CPED1: variants seen among roughly 807,000 people sequenced by gnomAD.
CPED1 encodes cadherin-like and PC-esterase domain-containing protein 1.
In CPED1, 114 loss-of-function variants were observed where a neutral mutation model predicts 128.2. The ratio of observed to expected loss-of-function variants is 0.89; its 90% confidence interval spans 0.76 to 1.04. The LOEUF (loss-of-function observed/expected upper bound fraction) is 1.04. Ranked by LOEUF, CPED1 falls within the 50% of genes least tolerant of loss-of-function variation. CPED1 has a pLI of 0.00. For missense variants in CPED1, 1,211 were observed against 1,207.1 expected (o/e 1.00, Z -0.05); for synonymous variants, 462 against 426.7 (o/e 1.08, Z -1.02).
At chr7:121,014,305 C>T (rs1262884759) in intron 2 of CPED1, among the ~76,000 whole-genome samples, 1 of 152,166 alleles carries the variant, frequency 6.6e-6, no homozygotes, top group Non-Finnish European at 1.5e-5. Flanking sequence ...GTAATCCCAG[C>T]ACTTCGGGAG....
intron 5 of CPED1, among the ~76,000 whole-genome samples, chr7:121,088,916 T>A (rs1352972161): frequency 6.6e-6 from 1 of 152,018 alleles, no homozygotes; most frequent in Non-Finnish European, 1.5e-5. Flanking sequence ...ATGCAAGATA[T>A]AAGATAGATG....
intron 6 of CPED1, 131 bp from the exon 7 acceptor site, chr7:121,099,795 A>T (rs1472241166): frequency 2.3e-6 from 2 of 887,332 alleles, no homozygotes; most frequent in African/African-American, 3.4e-5. Flanking sequence ...AAATTGTTCA[A>T]GGAAACCCAC....
At chr7:121,133,921 TCAACA>T in intron 13 of CPED1, 28 bp downstream of exon 13, 2 of 1,336,918 alleles carry the variant, frequency 1.5e-6, no homozygotes, top group Non-Finnish European at 2.1e-6. Context: ...CCCACTTATT[TCAACA>T]TAAAAATAAG....
chr7:121,281,939 A>C (rs1393607953), intron 22 of CPED1, among the ~76,000 whole-genome samples: 2 of 152,220 alleles, frequency 1.3e-5, no homozygotes, highest in African/African-American at 2.4e-5. Flanking sequence ...TCAATGTAGC[A>C]AATTCACAAA....
At chr7:121,029,855 A>G (rs1162735853) in intron 3 of CPED1, among the ~76,000 whole-genome samples, 1 of 152,166 alleles carries the variant, frequency 6.6e-6, no homozygotes, top group African/African-American at 2.4e-5. Context: ...TAAAATGATC[A>G]ATGTCCAGGT....
chr7:121,261,657 C>T, intron 18 of CPED1: 1 of 1,611,030 alleles, frequency 6.2e-7, no homozygotes, highest in Non-Finnish European at 8.5e-7. Context: ...CAGAGAGTTC[C>T]TAGAAGCCGT....
chr7:121,159,380 G>C (rs1318890189), intron 16 of CPED1, among the ~76,000 whole-genome samples: 1 of 152,012 alleles, frequency 6.6e-6, no homozygotes, highest in Non-Finnish European at 1.5e-5. Context: ...ATAATTTGGG[G>C]GAGATCAATG....
intron 3 of CPED1, among the ~76,000 whole-genome samples, chr7:121,033,457 A>C (rs896893794): frequency 6.6e-6 from 1 of 152,208 alleles, no homozygotes; most frequent in African/African-American, 2.4e-5. Flanking sequence ...TCACTAAATA[A>C]ACACTTATAT....
intron 22 of CPED1, among the ~76,000 whole-genome samples, chr7:121,279,136 G>A (rs996804564): frequency 1.7e-4 from 26 of 152,026 alleles, no homozygotes; most frequent in African/African-American, 5.8e-4. Flanking sequence ...CACCTTATGG[G>A]TTCTCAGATA....
rs183590846 is a variant in CPED1, at chr7:121,099,923, T to A, written c.750-3T>A. The A allele has an allele frequency of 9.1e-4, 1,435 of 1,573,122 alleles. 1 individual carries two copies. The highest frequency in any genetic ancestry group is 3.6e-3 in the East Asian group (159 of 43,978). ...CGCTAACTATGTTTTTTTTTTTTTTTAGGAATGAAACGACAGTCCTTGCTC... is the reference window on the plus strand; with the variant it reads ...CGCTAACTATGTTTTTTTTTTTTTTAAGGAATGAAACGACAGTCCTTGCTC... On this transcript the variant is annotated splice_region_variant and splice_polypyrimidine_tract_variant and intron_variant, in intron 6 of 22. Transcript: ENST00000310396.
chr7:121,175,469 A>G (rs1468737618), intron 16 of CPED1, among the ~76,000 whole-genome samples: 2 of 152,096 alleles, frequency 1.3e-5, no homozygotes, highest in Non-Finnish European at 2.9e-5. Context: ...AAATTATAAA[A>G]TTCCCATTTT....
intron 14 of CPED1, among the ~76,000 whole-genome samples, chr7:121,140,436 C>T (rs1215039321): frequency 6.6e-6 from 1 of 152,024 alleles, no homozygotes; most frequent in Non-Finnish European, 1.5e-5. Flanking sequence ...TGCGGGTCCT[C>T]TTCTGCCACC....
In CPED1 at chr7:121,194,043, TATA is replaced by T. The variant is rs1244169935; in HGVS notation, c.2056-42670_2056-42668del. Among the ~76,000 whole-genome samples, 618 of 93,384 alleles carry T rather than the reference TATA, an allele frequency of 6.6e-3. 5 individuals carry two copies. The highest frequency in any genetic ancestry group is 9.9e-3 in the East Asian group (32 of 3,248). 61.3% of individuals were successfully genotyped at this position (93,384 alleles called of 152,430 possible). On this transcript the variant is annotated intron_variant, in intron 16 of 22. Transcript: ENST00000310396. ...CTCTCTATATATATATATATATATA[TATA>T]TATTTTTTTTTTTTTTTTTTGAGAC...
At chr7:121,256,989 T>C (rs1438957632) in intron 18 of CPED1, among the ~76,000 whole-genome samples, 1 of 152,004 alleles carries the variant, frequency 6.6e-6, no homozygotes, top group Non-Finnish European at 1.5e-5. Context: ...AAATACTACA[T>C]TTTCTCACTT....
intron 3 of CPED1, among the ~76,000 whole-genome samples, chr7:121,041,749 T>A (rs1394123040): frequency 6.6e-6 from 1 of 152,180 alleles, no homozygotes; most frequent in Non-Finnish European, 1.5e-5. Context: ...CTCTAAAAAT[T>A]GCTCTTACTT....
intron 14 of CPED1, among the ~76,000 whole-genome samples, chr7:121,140,474 C>T (rs1055159437): frequency 2.0e-5 from 3 of 152,076 alleles, no homozygotes; most frequent in African/African-American, 7.2e-5. Flanking sequence ...CTCCCACTTA[C>T]ATAGTTGCTT....
In CPED1 at chr7:121,010,669, C is replaced by T. The variant is rs939115596; in HGVS notation, c.250-4996C>T. Among the ~76,000 whole-genome samples the T allele has an allele frequency of 4.1e-4, 63 of 152,262 alleles. 1 individual carries two copies. The highest frequency in any genetic ancestry group is 1.4e-3 in the African/African-American group (57 of 41,546). On this transcript the variant is annotated intron_variant, in intron 2 of 22. Coordinates refer to ENST00000310396, the MANE Select transcript of CPED1 (RefSeq NM_024913.5). ...TGAAGGTTGGGATAGCCCCAAAGTA[C>T]GGTTTGGGAGTACAGTCAGAAGATG... is the stretch of plus-strand genomic sequence containing the variant.
chr7:121,174,789 C>T (rs1796737903), intron 16 of CPED1, among the ~76,000 whole-genome samples: 1 of 152,094 alleles, frequency 6.6e-6, no homozygotes. Context: ...ATAGCAGCGG[C>T]ATGGAGTCTG....
intron 16 of CPED1, among the ~76,000 whole-genome samples, chr7:121,194,680 T>A (rs943178222): frequency 1.1e-4 from 16 of 152,202 alleles, no homozygotes; most frequent in African/African-American, 2.2e-4. Context: ...TTCTAATGTC[T>A]CGTAAAATAA....
Sources: allele counts gnomAD v4.1 joint callset (sites outside exome capture counted in the v4.1 genomes callset), GRCh38; gene constraint gnomAD v4.1.1; transcripts MANE v1.5; gene names NCBI Gene and HGNC (gene_info 2026-07-23, HGNC 2026-07-21).